The following ABCA12 variants were observed in gnomAD, a reference collection of about 807,000 sequenced individuals.
ABCA12 encodes ATP binding cassette subfamily A member 12.
ABCA12 carries 156 observed loss-of-function variants against 293.5 expected under a neutral mutation model. That is an observed-to-expected ratio of 0.53 (90% confidence interval 0.47 to 0.61). ABCA12 has a LOEUF of 0.61. ABCA12 is among the 20% of genes least tolerant of loss of function. ABCA12 has a pLI of 0.00. For synonymous variants in ABCA12, 1,063 were observed against 1,108.0 expected, an observed-to-expected ratio of 0.96 and a Z score of 0.81; for missense variants, 2,797 against 3,090.2, an observed-to-expected ratio of 0.91 and a Z score of 2.25.
chr2:214,991,717 T>C (rs1295187757), intron 23 of ABCA12, among the ~76,000 whole-genome samples: 1 of 152,218 alleles, frequency 6.6e-6, no homozygotes, highest in Non-Finnish European at 1.5e-5. Context: ...AGATCCTCTA[T>C]ACCTCTCTCT....
chr2:215,122,557 G>A (rs1403409070), intron 1 of ABCA12, among the ~76,000 whole-genome samples: 4 of 152,146 alleles, frequency 2.6e-5, no homozygotes, highest in African/African-American at 9.7e-5. Context: ...ATTGCAGGAG[G>A]GTATGTCAAG....
intron 2 of ABCA12, among the ~76,000 whole-genome samples, chr2:215,106,219 C>T (rs1003229249): frequency 6.6e-6 from 1 of 152,202 alleles, no homozygotes; most frequent in African/African-American, 2.4e-5. Context: ...CTCTTCTTAA[C>T]AATTCGGGCG....
At chr2:214,936,755 A>C (rs551896678) in intron 51 of ABCA12, among the ~76,000 whole-genome samples, 5 of 152,276 alleles carry the variant, frequency 3.3e-5, no homozygotes, top group African/African-American at 9.6e-5. Flanking sequence ...CTTCTCTTTC[A>C]AATGAGGGGG....
chr2:215,084,514 G>C (rs1523719), intron 2 of ABCA12, among the ~76,000 whole-genome samples: 150,734 of 152,280 alleles, frequency 0.99, 74,613 homozygotes, highest in Middle Eastern at 1. Flanking sequence ...ATGCTAAGGT[G>C]AAAGACACTC....
Position 215,011,952 on chromosome 2 carries a change from T to A in ABCA12, c.2121+19A>T, listed in dbSNP as rs370462755. 2 of 1,613,056 alleles carry A rather than the reference T, an allele frequency of 1.2e-6. No homozygotes were observed. The highest frequency in any genetic ancestry group is 3.3e-5 in the Admixed American group (2 of 59,978). On this transcript the variant is annotated intron_variant, in intron 16 of 52. Transcript: ENST00000272895. ...AGAAGGCATTTTTCAACAAGAACAT[T>A]ACTGGGTGACTTTGCTACCTGTGTT...
intron 23 of ABCA12, among the ~76,000 whole-genome samples, chr2:214,991,845 T>C (rs903597304): frequency 3.3e-5 from 5 of 152,046 alleles, no homozygotes; most frequent in African/African-American, 1.2e-4. Flanking sequence ...CTGAAAGATT[T>C]AAAGTCCCCT....
At chr2:214,967,078 T>C in intron 38 of ABCA12, 125 bp from the exon 39 acceptor site, 1 of 855,388 alleles carries the variant, frequency 1.2e-6, no homozygotes. Flanking sequence ...ATTTATTTTA[T>C]CTTGGAAGAT....
In ABCA12 at chr2:214,959,079, C is replaced by A. The variant is rs2105937811; in HGVS notation, c.5885-1G>T. 6.2e-7 allele frequency: 1 copy of A among 1,613,566 alleles called. No individual in the cohort carries two copies. Among genetic ancestry groups the A allele is most frequent in the Non-Finnish European group, 8.5e-7 (1 of 1,179,608 alleles). ...TAAGGATGGCTATACATGATGATGC[C>A]TTAAAGACGAAACAGTTCTTCTATT... On this transcript the variant is annotated splice_acceptor_variant, in intron 39 of 52. Transcript: ENST00000272895. LOFTEE classifies it high-confidence loss of function.
rs780245707 is a variant in ABCA12, at chr2:214,934,116, T to C, written c.7642A>G (p.Ile2548Val). 6.2e-7 allele frequency: 1 copy of C among 1,613,688 alleles called. No homozygotes were observed. The highest frequency in any genetic ancestry group is 1.3e-5 in the African/African-American group (1 of 74,918). ...GTCTGACTCACTAAGAAATTTGTAA[T>C]ATTTAAAGCAGTCTTGTTGGTTTCC... ...LLETNKTALN[I>V]TNFLVSQTTL... Residue 2548 changes from isoleucine (I) to valine (V), a missense_variant, in exon 52 of 53, where the codon ATT (isoleucine) becomes GTT (valine). By Grantham distance (29) the Ile-to-Val change is conservative. This residue lies in a region of ABCA12 where 2,130 missense variants were observed against 2,427.0 expected (regional missense o/e 0.88). Transcript: ENST00000272895.
chr2:215,123,566 G>A (rs1056766951), intron 1 of ABCA12, among the ~76,000 whole-genome samples: 2 of 152,120 alleles, frequency 1.3e-5, no homozygotes, highest in African/African-American at 4.8e-5. Flanking sequence ...ACATATGAGT[G>A]CATGTGTCCT....
intron 39 of ABCA12, chr2:214,960,673 A>T (rs572983272): frequency 1.3e-5 from 2 of 152,162 alleles, no homozygotes; most frequent in Non-Finnish European, 2.9e-5. Context: ...TAAAAATAAG[A>T]CATCTTCTGA....
At chr2:215,117,725 A>C (rs909944244) in intron 1 of ABCA12, among the ~76,000 whole-genome samples, 2 of 152,242 alleles carry the variant, frequency 1.3e-5, no homozygotes, top group Non-Finnish European at 2.9e-5. Context: ...TAAAGAAAAT[A>C]AGATACAGGT....
intron 48 of ABCA12, among the ~76,000 whole-genome samples, chr2:214,945,562 C>T (rs1698555831): frequency 6.6e-6 from 1 of 152,086 alleles, no homozygotes; most frequent in African/African-American, 2.4e-5. Context: ...TTTTAGTTTT[C>T]TGTTATTAAT....
chr2:215,114,812 C>T (rs549343671), intron 1 of ABCA12, among the ~76,000 whole-genome samples: 1 of 152,082 alleles, frequency 6.6e-6, no homozygotes, highest in African/African-American at 2.4e-5. Context: ...GTGGATTTAT[C>T]AGTTTTGTAT....
chr2:215,039,214 A>G (rs1453771462), intron 7 of ABCA12, among the ~76,000 whole-genome samples: 1 of 152,178 alleles, frequency 6.6e-6, no homozygotes, highest in African/African-American at 2.4e-5. Flanking sequence ...TGGTTGGTTT[A>G]TATACAACAT....
At chr2:214,953,075 A>G (rs1053993642) in intron 44 of ABCA12, among the ~76,000 whole-genome samples, 3 of 152,210 alleles carry the variant, frequency 2.0e-5, no homozygotes, top group African/African-American at 4.8e-5. Flanking sequence ...GTCTGCATAA[A>G]TATTTCTTTT....
rs200407397 is a variant in ABCA12, at chr2:214,980,622, G to A, written c.4601C>T (p.Thr1534Met). 5.6e-6 allele frequency: 9 copies of A among 1,614,080 alleles called. No homozygotes were observed. Among genetic ancestry groups the A allele is most frequent in the Middle Eastern group, 1.7e-4 (1 of 6,060 alleles). Residue 1534 changes from threonine to methionine, a missense_variant, in exon 31 of 53, where the codon ACG (threonine) becomes ATG (methionine). By Grantham distance (81) the Thr-to-Met change is moderately conservative. Transcript: ENST00000272895. ...CACTTCAGCCTCGTCCAAGTGGTGC[G>A]TTGACAGAATGATTGTTCTGGCTTG... ...NKTARTIILS[T>M]HHLDEAEVLS...
intron 2 of ABCA12, among the ~76,000 whole-genome samples, chr2:215,075,248 C>T (rs975511350): frequency 3.9e-5 from 6 of 152,016 alleles, no homozygotes; most frequent in African/African-American, 1.4e-4. Context: ...CCAATTTGGG[C>T]CACCATCATC....
intron 47 of ABCA12, among the ~76,000 whole-genome samples, chr2:214,948,142 C>G (rs1466267613): frequency 1.3e-5 from 2 of 152,192 alleles, no homozygotes; most frequent in Non-Finnish European, 2.9e-5. Context: ...GGTCAGCCAT[C>G]TCATTAAAAT....
Sources: gnomAD v4.1 joint callset for allele counts (sites outside exome capture counted in the v4.1 genomes callset) on GRCh38, gnomAD v4.1.1 for gene constraint, gnomAD v4.1.1 regional missense constraint, MANE v1.5 for transcripts, NCBI Gene and HGNC (gene_info 2026-07-23, HGNC 2026-07-21) for gene names.